The following RASAL2 variants were observed in gnomAD, a reference collection of about 807,000 sequenced individuals.
The protein encoded by RASAL2 is RAS protein activator like 2.
RASAL2 carries 58 observed loss-of-function variants against 128.9 expected under a neutral mutation model. The observed-to-expected ratio is 0.45, with a 90% CI of 0.36 to 0.56. The LOEUF (loss-of-function observed/expected upper bound fraction) is 0.56, where lower values mean the gene tolerates loss of function less well. Among genes scored for constraint, RASAL2 ranks in the 20% least tolerant of loss-of-function variants. The pLI, the probability that RASAL2 is intolerant of heterozygous loss-of-function variation, is 0.00. For synonymous variants in RASAL2, 561 were observed against 580.8 expected (o/e 0.97, Z 0.49); for missense variants, 1,360 against 1,601.6 (o/e 0.85, Z 2.57).
intron 1 of RASAL2, among the ~76,000 whole-genome samples, chr1:178,273,031 G>A (rs1298905689): frequency 2.0e-5 from 3 of 152,074 alleles, no homozygotes; most frequent in Non-Finnish European, 2.9e-5. Context: ...AACCCTGCAC[G>A]TGTATTGTGG....
At chr1:178,139,691 TATC>T (rs1660459919) in intron 1 of RASAL2, among the ~76,000 whole-genome samples, 1 of 152,058 alleles carries the variant, frequency 6.6e-6, no homozygotes, top group Non-Finnish European at 1.5e-5. Flanking sequence ...ATGTTGTAAT[TATC>T]ATATAAAATT....
chr1:178,259,703 AGGTGTGT>A (rs1665566882), intron 1 of RASAL2, among the ~76,000 whole-genome samples: 1 of 152,134 alleles, frequency 6.6e-6, no homozygotes, highest in African/African-American at 2.4e-5. Flanking sequence ...CTGGGACTAC[AGGTGTGT>A]GCTCCCATGC....
chr1:178,363,651 T>C (rs1363560280), intron 3 of RASAL2, among the ~76,000 whole-genome samples: 1 of 152,196 alleles, frequency 6.6e-6, no homozygotes, highest in Non-Finnish European at 1.5e-5. Flanking sequence ...TGTTCAGATA[T>C]GGAAAAATTT....
intron 3 of RASAL2, among the ~76,000 whole-genome samples, chr1:178,319,990 G>A (rs1270826862): frequency 6.6e-6 from 1 of 151,560 alleles, no homozygotes; most frequent in Non-Finnish European, 1.5e-5. Context: ...TGTCCTTTCT[G>A]TTTGTTAGTT....
chr1:178,135,774 AAGG>A (rs1270404213), intron 1 of RASAL2, among the ~76,000 whole-genome samples: 5 of 152,214 alleles, frequency 3.3e-5, no homozygotes, highest in African/African-American at 1.2e-4. Flanking sequence ...GGTGGAAGGC[AAGG>A]AGGAGCAAGT....
chr1:178,349,906 TA>T (rs1557920711), intron 3 of RASAL2, among the ~76,000 whole-genome samples: 3 of 152,210 alleles, frequency 2.0e-5, no homozygotes, highest in Non-Finnish European at 2.9e-5. Flanking sequence ...AGACGCCTAA[TA>T]AATGTTAATA....
intron 3 of RASAL2, among the ~76,000 whole-genome samples, chr1:178,369,378 C>T (rs1483414553): frequency 2.0e-5 from 3 of 152,006 alleles, no homozygotes; most frequent in Admixed American, 1.3e-4. Flanking sequence ...TGCACCACCA[C>T]GCCTGGCTAG....
At chr1:178,448,864 A>G (rs16852822) in intron 9 of RASAL2, among the ~76,000 whole-genome samples, 10,833 of 152,232 alleles carry the variant, frequency 0.071, 1,237 homozygotes, top group African/African-American at 0.24. Context: ...GATGGGCTCA[A>G]TGAGGCATGA....
At chr1:178,401,856 A>G (rs972880991) in intron 4 of RASAL2, among the ~76,000 whole-genome samples, 1 of 152,188 alleles carries the variant, frequency 6.6e-6, no homozygotes, top group African/African-American at 2.4e-5. Flanking sequence ...TTTTCTGATC[A>G]TAAGATTTAG....
At chr1:178,111,772 C>G (rs1659332879) in intron 1 of RASAL2, among the ~76,000 whole-genome samples, 1 of 152,056 alleles carries the variant, frequency 6.6e-6, no homozygotes, top group Admixed American at 6.6e-5. Context: ...CTTTGTCACC[C>G]AGGTTGTAGT....
chr1:178,446,420 AGTC>A (rs1157168646), intron 9 of RASAL2, among the ~76,000 whole-genome samples: 3 of 152,266 alleles, frequency 2.0e-5, no homozygotes, highest in Non-Finnish European at 4.4e-5. Flanking sequence ...ATTTTCTAGT[AGTC>A]ACAGTATTAA....
intron 17 of RASAL2, among the ~76,000 whole-genome samples, chr1:178,469,638 T>A (rs1000375532): frequency 3.9e-5 from 6 of 152,202 alleles, no homozygotes; most frequent in Admixed American, 2.6e-4. Context: ...AGCTAGTTAA[T>A]GTTTTCAGTC....
chr1:178,135,158 C>A (rs12137545), intron 1 of RASAL2, among the ~76,000 whole-genome samples: 48,380 of 151,878 alleles, frequency 0.32, 9,443 homozygotes, highest in East Asian at 0.53. Context: ...TTTTTTATTT[C>A]TTAATCTTAA....
intron 3 of RASAL2, among the ~76,000 whole-genome samples, chr1:178,303,191 A>C (rs949519674): frequency 6.6e-6 from 1 of 152,140 alleles, no homozygotes; most frequent in Non-Finnish European, 1.5e-5. Flanking sequence ...TCAATAACAT[A>C]TCTTTTTGGA....
At chr1:178,130,062 T>A (rs1660045836) in intron 1 of RASAL2, among the ~76,000 whole-genome samples, 1 of 152,230 alleles carries the variant, frequency 6.6e-6, no homozygotes, top group Non-Finnish European at 1.5e-5. Flanking sequence ...AAGGAAAAGC[T>A]TCATTTCAAA....
chr1:178,341,999 CAG>C (rs1260533347), intron 3 of RASAL2, among the ~76,000 whole-genome samples: 1 of 152,126 alleles, frequency 6.6e-6, no homozygotes, highest in African/African-American at 2.4e-5. Flanking sequence ...CTGAGTGAGA[CAG>C]AATATATTGA....
intron 17 of RASAL2, 66 bp from the exon 18 acceptor site, chr1:178,473,009 T>G: frequency 6.4e-7 from 1 of 1,560,512 alleles, no homozygotes. Context: ...GGACTAGTCA[T>G]TCAGTAAAGA....
chr1:178,265,881 T>C (rs1385964578), intron 1 of RASAL2, among the ~76,000 whole-genome samples: 4 of 152,226 alleles, frequency 2.6e-5, no homozygotes. Context: ...CTTTTGTATC[T>C]TTTTTTGCTC....
intron 1 of RASAL2, among the ~76,000 whole-genome samples, chr1:178,139,504 CCTTA>C (rs1439935264): frequency 3.3e-5 from 5 of 152,136 alleles, no homozygotes; most frequent in African/African-American, 1.2e-4. Context: ...AAAAGTTACT[CCTTA>C]CTATTACTCC....
Sources: allele counts gnomAD v4.1 joint callset (sites outside exome capture counted in the v4.1 genomes callset), GRCh38; gene constraint gnomAD v4.1.1; transcripts MANE v1.5; gene names NCBI Gene and HGNC (gene_info 2026-07-23, HGNC 2026-07-21).